ARHGAP22: variants seen among roughly 807,000 people sequenced by gnomAD.
ARHGAP22 encodes the protein rho GTPase-activating protein 22.
ARHGAP22 carries 48 observed loss-of-function variants against 59.1 expected under a neutral mutation model. That is an observed-to-expected ratio of 0.81 (90% CI 0.64 to 1.03). The LOEUF is 1.03. Ranked by LOEUF, ARHGAP22 falls within the 50% of genes least tolerant of loss-of-function variation. The pLI, the probability that ARHGAP22 is intolerant of heterozygous loss-of-function variation, is 0.00. For synonymous variants in ARHGAP22, 445 were observed against 416.4 expected, an observed-to-expected ratio of 1.07 and a Z score of -0.84; for missense variants, 1,015 against 958.7, an observed-to-expected ratio of 1.06 and a Z score of -0.78.
intron 1 of ARHGAP22, among the ~76,000 whole-genome samples, chr10:48,622,321 G>GT (rs2061312796): frequency 1.3e-5 from 2 of 151,552 alleles, no homozygotes; most frequent in Non-Finnish European, 2.9e-5. Context: ...TTTCTTAGTG[G>GT]TTGCCTTGGG....
At chr10:48,546,511 C>G (rs1329448236) in intron 3 of ARHGAP22, 2 of 159,498 alleles carry the variant, frequency 1.3e-5, no homozygotes, top group Admixed American at 1.2e-4. Flanking sequence ...ACCCTGGCAA[C>G]AGGGCACAGA....
intron 2 of ARHGAP22, among the ~76,000 whole-genome samples, chr10:48,579,222 C>T (rs1306565467): frequency 6.6e-6 from 1 of 151,932 alleles, no homozygotes; most frequent in Non-Finnish European, 1.5e-5. Flanking sequence ...TGTTCCATTT[C>T]AATTCAAAGC....
chr10:48,454,999 G>A lies in ARHGAP22; in HGVS notation c.792+3C>T. The A allele has an allele frequency of 6.3e-7, 1 of 1,591,688 alleles. No homozygotes were observed. Among genetic ancestry groups the A allele is most frequent in the Non-Finnish European group, 8.6e-7 (1 of 1,165,116 alleles). On this transcript the variant is annotated splice_donor_region_variant and intron_variant, in intron 6 of 9. Transcript: ENST00000249601. The stretch of plus-strand genomic sequence containing the variant: ...CCAGGAGCTATCCCCAGGAGCCACT[G>A]ACCTCCCCCTCGTCCTTGGTGAGCA...
intron 3 of ARHGAP22, among the ~76,000 whole-genome samples, chr10:48,521,137 C>T (rs57601353): frequency 0.26 from 38,794 of 152,060 alleles, 5,356 homozygotes; most frequent in African/African-American, 0.34. Flanking sequence ...TGCTCACTGA[C>T]CTTTCAGCTT....
intron 2 of ARHGAP22, among the ~76,000 whole-genome samples, chr10:48,572,397 T>C (rs192216772): frequency 1.3e-3 from 194 of 152,346 alleles, no homozygotes; most frequent in African/African-American, 4.3e-3. Flanking sequence ...GGACAAGAGA[T>C]GGATGTCAGT....
At position 48,459,704 on chromosome 10, in the gene ARHGAP22, C is replaced by T. The variant is rs2046951671; in HGVS notation, c.639G>A (p.Gly213=). The T allele has an allele frequency of 6.2e-7, 1 of 1,614,048 alleles. No homozygotes were observed. The highest frequency in any genetic ancestry group is 1.3e-5 in the African/African-American group (1 of 74,946). The change falls in exon 5 of 10, where the codon GGG becomes GGA. Residue 213 remains glycine (G), a synonymous_variant. Transcript: ENST00000249601. ...VRDLQDSFDC[G]EKPLFDSTTD... ...CTCACCTGTCAAACAGTGGCTTCTC[C>T]CCACAGTCGAAGGAATCCTGCAGGT...
chr10:48,458,619 C>G (rs2046817917), intron 5 of ARHGAP22, among the ~76,000 whole-genome samples: 1 of 152,158 alleles, frequency 6.6e-6, no homozygotes, highest in Admixed American at 6.5e-5. Flanking sequence ...TCCTGGGGAG[C>G]TTCCAAAAGT....
At chr10:48,490,026 C>A (rs1332716553) in intron 3 of ARHGAP22, among the ~76,000 whole-genome samples, 1 of 152,178 alleles carries the variant, frequency 6.6e-6, no homozygotes, top group Non-Finnish European at 1.5e-5. Flanking sequence ...AGCCACCACG[C>A]CCGGCCCAGA....
chr10:48,552,401 C>T (rs565664106), intron 3 of ARHGAP22, among the ~76,000 whole-genome samples: 62 of 152,392 alleles, frequency 4.1e-4, no homozygotes, highest in African/African-American at 1.4e-3. Flanking sequence ...GTTCACTGCT[C>T]ACAGAGCCTG....
intron 2 of ARHGAP22, among the ~76,000 whole-genome samples, chr10:48,571,888 C>T (rs4989811): frequency 2.0e-5 from 3 of 151,962 alleles, no homozygotes; most frequent in African/African-American, 4.8e-5. Context: ...GACATTCTTA[C>T]AGAATGGTGG....
intron 1 of ARHGAP22, among the ~76,000 whole-genome samples, chr10:48,631,732 T>C (rs1248227438): frequency 6.6e-6 from 1 of 152,208 alleles, no homozygotes; most frequent in Non-Finnish European, 1.5e-5. Context: ...TACATATTGT[T>C]GCTATTGTTA....
chr10:48,519,487 C>A (rs1320349037), intron 3 of ARHGAP22, among the ~76,000 whole-genome samples: 2 of 152,246 alleles, frequency 1.3e-5, no homozygotes, highest in African/African-American at 2.4e-5. Context: ...GGTAACCCAA[C>A]AATAGGCTGG....
At chr10:48,471,026 A>G (rs1814473) in intron 4 of ARHGAP22, among the ~76,000 whole-genome samples, 144,231 of 152,290 alleles carry the variant, frequency 0.95, 68,701 homozygotes, top group East Asian at 1. Flanking sequence ...GTTGCATTTC[A>G]TCCCACCAGG....
chr10:48,582,186 A>G (rs563610505), intron 2 of ARHGAP22, among the ~76,000 whole-genome samples: 1 of 152,314 alleles, frequency 6.6e-6, no homozygotes, highest in Non-Finnish European at 1.5e-5. Flanking sequence ...GACACCGAAC[A>G]GGGGATCTGC....
At chr10:48,631,873 C>G (rs2061640438) in intron 1 of ARHGAP22, among the ~76,000 whole-genome samples, 2 of 152,142 alleles carry the variant, frequency 1.3e-5, no homozygotes, top group African/African-American at 4.8e-5. Context: ...CATTTTCTTT[C>G]TCTCTTTTAA....
intron 3 of ARHGAP22, chr10:48,511,658 G>C (rs765599235): frequency 2.0e-5 from 3 of 152,208 alleles, no homozygotes; most frequent in Non-Finnish European, 4.4e-5. Context: ...AAAGTGGCCC[G>C]TAAGTCCCCA....
the ARHGAP22 span, chr10:48,430,967 TAC>T: frequency 2.4e-4 from 131 of 549,020 alleles, 1 homozygote; most frequent in Middle Eastern, 3.9e-3. Context: ...AACAGTGAAT[TAC>T]AGGAAAGATT....
intron 1 of ARHGAP22, among the ~76,000 whole-genome samples, chr10:48,649,890 C>T (rs1040525003): frequency 1.2e-4 from 19 of 152,116 alleles, no homozygotes; most frequent in East Asian, 3.9e-4. Context: ...TACAATTGAA[C>T]GCATAAGGAC....
intron 1 of ARHGAP22, among the ~76,000 whole-genome samples, chr10:48,589,952 T>G (rs932022239): frequency 2.0e-5 from 3 of 152,104 alleles, no homozygotes; most frequent in Non-Finnish European, 2.9e-5. Context: ...CAGCACAGGA[T>G]TTTCCTGTGT....
Sources: allele counts gnomAD v4.1 joint callset (sites outside exome capture counted in the v4.1 genomes callset), GRCh38; gene constraint gnomAD v4.1.1; transcripts MANE v1.5; gene names NCBI Gene and HGNC (gene_info 2026-07-23, HGNC 2026-07-21).